Variants in PALLD observed in about 807,000 individuals in gnomAD.
PALLD encodes the protein palladin.
Under a neutral mutation model 123.5 loss-of-function variants are expected in PALLD, and 61 were observed. The ratio of observed to expected loss-of-function variants is 0.49; its 90% CI spans 0.40 to 0.61. The LOEUF is 0.61. PALLD is among the 20% of genes least tolerant of loss of function. The pLI is 0.00. For missense variants in PALLD, 1,273 were observed against 1,377.0 expected (o/e 0.92, Z 1.20); for synonymous variants, 465 against 496.4 (o/e 0.94, Z 0.84).
intron 10 of PALLD, among the ~76,000 whole-genome samples, chr4:168,872,143 G>A (rs1292334546): frequency 6.6e-6 from 1 of 152,198 alleles, no homozygotes; most frequent in Non-Finnish European, 1.5e-5. Context: ...GGAGGATTAG[G>A]AATTGGTCAT....
At chr4:168,785,846 G>GATATAGATATATATAT (rs1736650314) in intron 10 of PALLD, among the ~76,000 whole-genome samples, 1 of 80,898 alleles carries the variant, frequency 1.2e-5, no homozygotes, top group African/African-American at 3.9e-5. Context: ...AAACTGTAGA[G>GATATAGATATATATAT]ATATATATAT....
rs141905418 is a variant in PALLD, at chr4:168,784,609, G to A, written c.1964+72686G>A. The stretch of plus-strand genomic sequence containing the variant: ...ACATGTTGAGACAAGGGAAGCGGGC[G>A]GGAGAAAGAGCAGGGCATTGAGTCT... On this transcript the variant is annotated intron_variant, in intron 10 of 21. Coordinates refer to ENST00000505667, the MANE Select transcript of PALLD (RefSeq NM_001166108.2). Among the ~76,000 whole-genome samples, 1,254 of 152,252 alleles carry A rather than the reference G, an allele frequency of 8.2e-3. 8 individuals are homozygous for A. Among genetic ancestry groups the A allele is most frequent in the Middle Eastern group, 0.024 (7 of 294 alleles).
intron 2 of PALLD, among the ~76,000 whole-genome samples, chr4:168,655,416 C>T (rs1306912794): frequency 6.6e-6 from 1 of 152,162 alleles, no homozygotes; most frequent in Non-Finnish European, 1.5e-5. Context: ...TCCTCAGAGA[C>T]CACACTAGCC....
At chr4:168,582,343 ATTTG>A (rs1185389092) in intron 2 of PALLD, among the ~76,000 whole-genome samples, 2 of 152,080 alleles carry the variant, frequency 1.3e-5, no homozygotes, top group Non-Finnish European at 2.9e-5. Context: ...ACTTTACTGA[ATTTG>A]TTTATCAGAT....
intron 2 of PALLD, among the ~76,000 whole-genome samples, chr4:168,545,398 A>G (rs112603185): frequency 0.054 from 8,197 of 152,048 alleles, 243 homozygotes; most frequent in Middle Eastern, 0.15. Flanking sequence ...GCGAGGTGGC[A>G]GGTGCCTGTA....
chr4:168,527,480 G>C (rs1358717681), intron 2 of PALLD, among the ~76,000 whole-genome samples: 1 of 144,536 alleles, frequency 6.9e-6, no homozygotes, highest in Non-Finnish European at 1.5e-5. Context: ...AAAACTTCGA[G>C]TAGGATACAG....
rs1775863963 is a variant in PALLD at position 168,631,985 on chromosome 4, C to G, written c.909-36205C>G. 3 of 771,216 alleles carry G rather than the reference C, an allele frequency of 3.9e-6. No homozygotes were observed. In the South Asian group the frequency reaches 1.8e-4, roughly 45 times the overall value. The allele number at this position is 771,216 out of a possible 1,614,324, so 47.8% of individuals were successfully genotyped here. On this transcript the variant is annotated intron_variant, in intron 2 of 21. Transcript: ENST00000505667. The stretch of plus-strand genomic sequence containing the variant: ...AGGCAGTGGCATGCAAGTACTCGTG[C>G]GAAGAGTACTGTTTGGGGTGTTTAG...
chr4:168,847,988 T>C (rs1747137579), intron 10 of PALLD, among the ~76,000 whole-genome samples: 1 of 152,218 alleles, frequency 6.6e-6, no homozygotes, highest in African/African-American at 2.4e-5. Context: ...AATTATTTTT[T>C]ACTTCCCTGT....
At chr4:168,511,141 G>T (rs908176210) in intron 1 of PALLD, among the ~76,000 whole-genome samples, 1 of 151,974 alleles carries the variant, frequency 6.6e-6, no homozygotes, top group East Asian at 1.9e-4. Flanking sequence ...GTGGGCGGGG[G>T]GCTGACTGTG....
chr4:168,606,633 C>T (rs1217738434), intron 2 of PALLD, among the ~76,000 whole-genome samples: 3 of 145,732 alleles, frequency 2.1e-5, no homozygotes, highest in Non-Finnish European at 4.5e-5. Context: ...CACTGCACTC[C>T]AGCCTGGGGG....
rs528297133 is a variant in PALLD, at chr4:168,800,344, T to C, written c.1964+88421T>C. 1.1e-4 allele frequency among the ~76,000 whole-genome samples: 17 copies of C among 152,302 alleles called. No homozygotes were observed. The South Asian group carries it at 3.5e-3, about 32-fold the overall frequency. ...TAGGGTGGAAAGTATTTGCAACTTA[T>C]GTAGACAACACTGGACCAGAATATG... is the stretch of plus-strand genomic sequence containing the variant. On this transcript the variant is annotated intron_variant, in intron 10 of 21. Transcript: ENST00000505667.
At chr4:168,726,889 CCTT>C (rs1474580048) in intron 10 of PALLD, among the ~76,000 whole-genome samples, 1 of 152,150 alleles carries the variant, frequency 6.6e-6, no homozygotes, top group East Asian at 1.9e-4. Flanking sequence ...CCTTTCTTCT[CCTT>C]CTGGTAGTTA....
At chr4:168,637,943 CAA>C (rs11416996) in intron 2 of PALLD, among the ~76,000 whole-genome samples, 19 of 60,438 alleles carry the variant, frequency 3.1e-4, no homozygotes, top group South Asian at 1.6e-3. Flanking sequence ...GAATACATCT[CAA>C]AAAAAAAAAA....
intron 2 of PALLD, among the ~76,000 whole-genome samples, chr4:168,572,946 AT>A (rs3035617): frequency 0.51 from 74,178 of 145,166 alleles, 19,348 homozygotes; most frequent in East Asian, 0.9. Flanking sequence ...TCTGGAGCAG[AT>A]TTTTTTTTTT....
rs540211064 is a variant in PALLD, at chr4:168,524,417, T to A, written c.908+12005T>A. On this transcript the variant is annotated intron_variant, in intron 2 of 21. Coordinates refer to ENST00000505667, the MANE Select transcript of PALLD (RefSeq NM_001166108.2). ...TGTCCAGTTACTGGTAGGGATGGAA[T>A]TCACACTGAGACAAACTGGCTCCTG... is the stretch of plus-strand genomic sequence containing the variant. Among the ~76,000 whole-genome samples the A allele has an allele frequency of 2.2e-4, 34 of 152,362 alleles. No individual in the cohort carries two copies. In the South Asian group the frequency reaches 4.6e-3, roughly 20 times the overall value.
At chr4:168,503,075 T>A (rs1761594036) in intron 1 of PALLD, among the ~76,000 whole-genome samples, 1 of 145,750 alleles carries the variant, frequency 6.9e-6, no homozygotes, top group South Asian at 2.2e-4. Context: ...ACACCCGGTA[T>A]TTCTTAGCTT....
chr4:168,702,426 C>A (rs1005314346), intron 8 of PALLD, among the ~76,000 whole-genome samples: 2 of 152,054 alleles, frequency 1.3e-5, no homozygotes, highest in African/African-American at 4.8e-5. Context: ...TGGTGGTGTG[C>A]ACCTGTAATT....
intron 10 of PALLD, among the ~76,000 whole-genome samples, chr4:168,752,246 C>T (rs776052754): frequency 4.6e-5 from 7 of 152,184 alleles, no homozygotes; most frequent in African/African-American, 9.6e-5. Flanking sequence ...TGGCGGCATG[C>T]GCCTGTAGTC....
Position 168,925,265 on chromosome 4 carries a change from G to C in PALLD, c.*19G>C, listed in dbSNP as rs1387962848. The C allele has an allele frequency of 3.1e-6, 5 of 1,605,984 alleles. No homozygotes were observed. In the African/African-American group the frequency reaches 6.7e-5, roughly 21 times the overall value. On this transcript the variant is annotated 3_prime_UTR_variant, in exon 21 of 22. Coordinates refer to ENST00000505667, the MANE Select transcript of PALLD (RefSeq NM_001166108.2). ...ACATTAATAGTGAACCACACCAGGA[G>C]AACAAATACCCAAGTATCATTCAGG...
Sources: gnomAD v4.1 joint callset for allele counts (sites outside exome capture counted in the v4.1 genomes callset) on GRCh38, gnomAD v4.1.1 for gene constraint, MANE v1.5 for transcripts, NCBI Gene and HGNC (gene_info 2026-07-23, HGNC 2026-07-21) for gene names.